ASRGL1: variants seen among roughly 807,000 people sequenced by gnomAD.
The protein encoded by ASRGL1 is asparaginase and isoaspartyl peptidase 1.
A neutral mutation model predicts 22.4 loss-of-function variants in ASRGL1; 16 were observed. That is an observed-to-expected ratio of 0.71 (90% CI 0.48 to 1.08). The LOEUF is 1.08. Ranked by LOEUF, ASRGL1 falls within the 50% of genes least tolerant of loss-of-function variation. The probability of loss-of-function intolerance (pLI) is 0.00; values close to 1 mark genes in which losing one functional copy is unlikely to be tolerated. For missense variants in ASRGL1, 412 were observed against 410.1 expected (o/e 1.00, Z -0.04); for synonymous variants, 165 against 159.3 (o/e 1.04, Z -0.27).
chr11:62,392,357 C>T lies in ASRGL1; in HGVS notation c.*73C>T, dbSNP rs1947361582. On this transcript the variant is annotated 3_prime_UTR_variant, in exon 7 of 7. Coordinates refer to ENST00000415229, the MANE Select transcript of ASRGL1 (RefSeq NM_001083926.2). Reference sequence around the variant, plus strand: ...GTCTCCTCATGAGACATAGCCTAATCAATTAGATCTAGAATTGGAAAAATT... The same window carrying T: ...GTCTCCTCATGAGACATAGCCTAATTAATTAGATCTAGAATTGGAAAAATT... 6.5e-7 allele frequency: 1 copy of T among 1,540,142 alleles called. No individual in the cohort carries two copies. Among genetic ancestry groups the T allele is most frequent in the Non-Finnish European group, 8.9e-7 (1 of 1,119,176 alleles).
chr11:62,393,803 T>G (rs1733228415), downstream of ASRGL1, among the ~76,000 whole-genome samples: 1 of 151,948 alleles, frequency 6.6e-6, no homozygotes, highest in Admixed American at 6.6e-5. Flanking sequence ...TAATATTTTC[T>G]CAGCTCTGGA....
the ASRGL1 span, among the ~76,000 whole-genome samples, chr11:62,401,214 G>A: frequency 6.6e-6 from 1 of 152,214 alleles, no homozygotes; most frequent in South Asian, 2.1e-4. Context: ...CCGAGGTTTG[G>A]AGAAATGCGA....
intron 4 of ASRGL1, among the ~76,000 whole-genome samples, chr11:62,358,439 T>TTGTGTCTG (rs951052220): frequency 1.3e-5 from 2 of 152,024 alleles, no homozygotes; most frequent in African/African-American, 4.8e-5. Context: ...GAGTGTGCTT[T>TTGTGTCTG]TGTGTCTGTG....
intron 4 of ASRGL1, chr11:62,372,975 C>T: frequency 6.9e-7 from 1 of 1,454,242 alleles, no homozygotes; most frequent in Non-Finnish European, 9.7e-7. Flanking sequence ...GGGCCCATCA[C>T]CGACCTTTGG....
intron 6 of ASRGL1, 164 bp from the exon 7 acceptor site, chr11:62,391,915 C>A: frequency 1.2e-6 from 1 of 831,326 alleles, no homozygotes; most frequent in Non-Finnish European, 1.9e-6. Context: ...GATGCTAGGG[C>A]GCTGTCTCAG....
intron 4 of ASRGL1, among the ~76,000 whole-genome samples, chr11:62,383,855 A>T (rs1947134833): frequency 6.7e-6 from 1 of 150,096 alleles, no homozygotes; most frequent in South Asian, 2.1e-4. Context: ...ACCCAGTTGC[A>T]GTGAGCCGAA....
intron 2 of ASRGL1, among the ~76,000 whole-genome samples, chr11:62,346,728 G>C: frequency 6.6e-6 from 1 of 152,162 alleles, no homozygotes; most frequent in East Asian, 1.9e-4. Context: ...CCAGCACTTT[G>C]GGAGGCCGAG....
chr11:62,391,697 G>C, intron 6 of ASRGL1, 65 bp downstream of exon 6: 1 of 1,505,256 alleles, frequency 6.6e-7, no homozygotes, highest in Non-Finnish European at 8.9e-7. Flanking sequence ...TATTTGATAA[G>C]TAAGCGCATG....
rs112514463 is a variant in ASRGL1 at position 62,380,136 on chromosome 11, A to G, written c.492-8997A>G. ...TCCCATTATTGCTTGAGCCATAAGC[A>G]TAGTTTTATGCATAGCTCCTCCAAT... On this transcript the variant is annotated intron_variant, in intron 4 of 6. Transcript: ENST00000415229. Among the ~76,000 whole-genome samples the G allele has an allele frequency of 9.7e-3, 1,481 of 152,230 alleles. 33 individuals carry two copies. Among genetic ancestry groups the G allele is most frequent in the African/African-American group, 0.031 (1,290 of 41,502 alleles).
the ASRGL1 span, among the ~76,000 whole-genome samples, chr11:62,398,676 AGCGGCG>A: frequency 6.6e-6 from 1 of 151,992 alleles, no homozygotes; most frequent in African/African-American, 2.4e-5. Flanking sequence ...CACTCCCGCT[AGCGGCG>A]GCGGCTCATT....
intron 4 of ASRGL1, among the ~76,000 whole-genome samples, chr11:62,384,424 A>C (rs1400462249): frequency 6.6e-6 from 1 of 151,882 alleles, no homozygotes; most frequent in African/African-American, 2.4e-5. Context: ...GAATTCCTTA[A>C]ACCCGGGAGG....
At chr11:62,363,427 TCAGAG>T (rs1334169655) in intron 4 of ASRGL1, among the ~76,000 whole-genome samples, 1 of 152,106 alleles carries the variant, frequency 6.6e-6, no homozygotes, top group Non-Finnish European at 1.5e-5. Context: ...TCAGTATAAA[TCAGAG>T]CATAGTATCA....
chr11:62,391,132 A>G (rs780874680), intron 5 of ASRGL1, among the ~76,000 whole-genome samples: 24 of 152,256 alleles, frequency 1.6e-4, no homozygotes, highest in Non-Finnish European at 3.1e-4. Flanking sequence ...TCACTGGAAC[A>G]TGATGGCCTT....
At chr11:62,389,431 G>A (rs1947289816) in intron 5 of ASRGL1, 180 bp downstream of exon 5, 1 of 700,756 alleles carries the variant, frequency 1.4e-6, no homozygotes, top group Non-Finnish European at 2.6e-6. Context: ...GCTGCCTTGA[G>A]AGGGTGTTTG....
chr11:62,340,190 G>A (rs939242565), intron 2 of ASRGL1, among the ~76,000 whole-genome samples: 1 of 152,142 alleles, frequency 6.6e-6, no homozygotes, highest in Non-Finnish European at 1.5e-5. Context: ...GATTCCTTGA[G>A]CCCCAGGAGG....
At chr11:62,345,982 G>T (rs1197848400) in intron 2 of ASRGL1, among the ~76,000 whole-genome samples, 11 of 152,160 alleles carry the variant, frequency 7.2e-5, no homozygotes, top group Non-Finnish European at 1.5e-4. Context: ...AGTACCTGGG[G>T]GTTGGGGACT....
chr11:62,348,441 C>T (rs575343704), intron 2 of ASRGL1, among the ~76,000 whole-genome samples: 3 of 152,208 alleles, frequency 2.0e-5, no homozygotes, highest in South Asian at 2.1e-4. Context: ...TGGTGACTCA[C>T]GCCTGTAATC....
chr11:62,380,303 A>T lies in ASRGL1; in HGVS notation c.492-8830A>T, dbSNP rs117507604. Among the ~76,000 whole-genome samples, 69 of 151,972 alleles carry T rather than the reference A, an allele frequency of 4.5e-4. 2 individuals carry two copies. In the East Asian group the frequency reaches 0.013, roughly 29 times the overall value. ...CCACTATGACCTTACGGGCATTTTC[A>T]TCGGTAATTGACTTTTGAGCAGCAT... On this transcript the variant is annotated intron_variant, in intron 4 of 6. Coordinates refer to ENST00000415229, the MANE Select transcript of ASRGL1 (RefSeq NM_001083926.2).
intron 4 of ASRGL1, chr11:62,371,468 C>T (rs1180517988): frequency 1.1e-5 from 7 of 618,458 alleles, no homozygotes; most frequent in South Asian, 3.7e-5. Flanking sequence ...GGATTTAGGG[C>T]TGTGCAGGCT....
Sources: allele counts gnomAD v4.1 joint callset (sites outside exome capture counted in the v4.1 genomes callset), GRCh38; gene constraint gnomAD v4.1.1; transcripts MANE v1.5; gene names NCBI Gene and HGNC (gene_info 2026-07-23, HGNC 2026-07-21).